Variants in FBXL17 observed in about 807,000 individuals in gnomAD.
FBXL17 encodes the protein F-box/LRR-repeat protein 17.
FBXL17 carries 22 observed loss-of-function variants against 66.2 expected under a neutral mutation model. The ratio of observed to expected loss-of-function variants is 0.33; its 90% CI spans 0.24 to 0.47. The LOEUF (loss-of-function observed/expected upper bound fraction) is 0.47. Ranked by LOEUF, FBXL17 falls within the 20% of genes least tolerant of loss-of-function variation. The pLI is 1.00. For missense variants in FBXL17, 878 were observed against 948.2 expected (o/e 0.93, Z 0.97); for synonymous variants, 474 against 400.5 (o/e 1.18, Z -2.19).
At chr5:108,047,696 C>T (rs537366885) in intron 6 of FBXL17, among the ~76,000 whole-genome samples, 2 of 152,314 alleles carry the variant, frequency 1.3e-5, no homozygotes, top group Non-Finnish European at 1.5e-5. Context: ...AGCACCTCTT[C>T]AGGCCTCATT....
intron 4 of FBXL17, among the ~76,000 whole-genome samples, chr5:108,291,822 C>T (rs1758123738): frequency 6.6e-6 from 1 of 152,158 alleles, no homozygotes; most frequent in Non-Finnish European, 1.5e-5. Flanking sequence ...AGCAGTCAGT[C>T]TTGAGTACTG....
Position 108,381,859 on chromosome 5 carries a change from C to G in FBXL17, c.-168G>C. ...ACACGCGACGGTGGGGGGTGGGCGT[C>G]AGCTGCGGGCCGCCGGAGTGCCCGA... On this transcript the variant is annotated 5_prime_UTR_variant, in exon 1 of 9. Coordinates refer to ENST00000542267, the MANE Select transcript of FBXL17 (RefSeq NM_001163315.3). 6 of 1,293,034 alleles carry G rather than the reference C, an allele frequency of 4.6e-6. No homozygotes were observed. Among genetic ancestry groups the G allele is most frequent in the Non-Finnish European group, 4.9e-6 (5 of 1,020,678 alleles). The allele number at this position is 1,293,034 out of a possible 1,614,324, so 80.1% of individuals were successfully genotyped here. A position where few individuals can be genotyped will look rare whatever the true frequency, so the allele number is the denominator to read the frequency against.
chr5:108,345,318 C>T (rs1747200323), intron 4 of FBXL17, among the ~76,000 whole-genome samples: 1 of 149,662 alleles, frequency 6.7e-6, no homozygotes, highest in Non-Finnish European at 1.5e-5. Flanking sequence ...GCCTGGGTTA[C>T]AGAGCAAAAC....
At chr5:108,037,761 A>G (rs947753740) in intron 6 of FBXL17, among the ~76,000 whole-genome samples, 2 of 152,216 alleles carry the variant, frequency 1.3e-5, no homozygotes, top group Non-Finnish European at 2.9e-5. Flanking sequence ...TGCTGTATGT[A>G]AAGAGTTTAG....
intron 4 of FBXL17, among the ~76,000 whole-genome samples, chr5:108,229,602 A>G (rs1755240662): frequency 6.6e-6 from 1 of 152,240 alleles, no homozygotes; most frequent in African/African-American, 2.4e-5. Flanking sequence ...AAGACCTGAA[A>G]CTATAAAAAT....
intron 7 of FBXL17, among the ~76,000 whole-genome samples, chr5:107,908,917 T>G (rs377482531): frequency 6.6e-6 from 1 of 152,178 alleles, no homozygotes; most frequent in Non-Finnish European, 1.5e-5. Flanking sequence ...GACAGTGAAC[T>G]CCTTCTGAAA....
intron 6 of FBXL17, among the ~76,000 whole-genome samples, chr5:108,118,344 T>A (rs575445579): frequency 6.6e-6 from 1 of 152,192 alleles, no homozygotes; most frequent in East Asian, 1.9e-4. Context: ...TTCTTTTCCA[T>A]CCAAAAGTTG....
At chr5:107,893,646 T>C (rs1381528545) in intron 7 of FBXL17, among the ~76,000 whole-genome samples, 1 of 152,176 alleles carries the variant, frequency 6.6e-6, no homozygotes, top group Non-Finnish European at 1.5e-5. Flanking sequence ...TGTCTTCTTT[T>C]ATTTTTTTAT....
rs377501871 is a variant in FBXL17, at chr5:107,920,557, C to G, written c.1823-39378G>C. On this transcript the variant is annotated intron_variant, in intron 7 of 8. Transcript: ENST00000542267. ...ATCAGAAGGGATTGCAACAACCTAA[C>G]TCAATATGAATCTGAGAATATTTCT... is the stretch of plus-strand genomic sequence containing the variant. 3.0e-4 allele frequency among the ~76,000 whole-genome samples: 46 copies of G among 152,272 alleles called. 1 individual carries two copies. The South Asian group carries it at 9.3e-3, about 31-fold the overall frequency.
At chr5:108,353,933 C>A (rs983281874) in intron 3 of FBXL17, among the ~76,000 whole-genome samples, 14 of 152,160 alleles carry the variant, frequency 9.2e-5, no homozygotes, top group African/African-American at 3.1e-4. Context: ...TATCCCTTAT[C>A]CAAAATGTTT....
chr5:108,081,104 C>G lies in FBXL17; in HGVS notation c.1746-60103G>C, dbSNP rs984395158. 3.9e-5 allele frequency among the ~76,000 whole-genome samples: 6 copies of G among 152,188 alleles called. No individual in the cohort carries two copies. The South Asian group carries it at 1.2e-3, about 32-fold the overall frequency. On this transcript the variant is annotated intron_variant, in intron 6 of 8. Transcript: ENST00000542267. The stretch of plus-strand genomic sequence containing the variant: ...TCTGTCATGTCAAACTGACTCTACA[C>G]TAGAGTCAGTTTGGAATTTGGTATC...
chr5:108,058,215 CT>C lies in FBXL17; in HGVS notation c.1746-37215del, dbSNP rs140007684. Among the ~76,000 whole-genome samples the C allele has an allele frequency of 4.8e-3, 734 of 152,296 alleles. 4 individuals carry two copies. The highest frequency in any genetic ancestry group is 0.017 in the African/African-American group (711 of 41,566). ...CCATTTGACCATCTCTGTTTTACAA[CT>C]GCAGAAACAGAGGTTCGGTTTGATA... On this transcript the variant is annotated intron_variant, in intron 6 of 8. Coordinates refer to ENST00000542267, the MANE Select transcript of FBXL17 (RefSeq NM_001163315.3).
intron 6 of FBXL17, among the ~76,000 whole-genome samples, chr5:108,098,066 A>G (rs1407776263): frequency 2.6e-5 from 4 of 152,184 alleles, no homozygotes; most frequent in African/African-American, 9.6e-5. Flanking sequence ...TAAATGAATA[A>G]TGAATGAGCA....
intron 5 of FBXL17, among the ~76,000 whole-genome samples, chr5:108,208,164 G>A (rs551572081): frequency 1.3e-5 from 2 of 152,224 alleles, no homozygotes; most frequent in South Asian, 2.1e-4. Flanking sequence ...TGATGGAGTT[G>A]TTCTTTTCTT....
At chr5:108,256,849 T>C (rs891469523) in intron 4 of FBXL17, among the ~76,000 whole-genome samples, 104 of 152,242 alleles carry the variant, frequency 6.8e-4, no homozygotes, top group Middle Eastern at 3.4e-3. Context: ...AAGTGTATTT[T>C]TTTTTGTTTC....
chr5:108,226,376 C>A (rs928503576), intron 4 of FBXL17, among the ~76,000 whole-genome samples: 1 of 152,050 alleles, frequency 6.6e-6, no homozygotes, highest in Non-Finnish European at 1.5e-5. Context: ...ATACCTTTTA[C>A]TTCTACTTTA....
chr5:108,203,818 A>C (rs1753998965), intron 5 of FBXL17, among the ~76,000 whole-genome samples: 1 of 152,190 alleles, frequency 6.6e-6, no homozygotes, highest in Admixed American at 6.6e-5. Context: ...GAATAAACAA[A>C]AAAAGGAGGA....
chr5:108,097,135 A>G (rs286819), intron 6 of FBXL17, among the ~76,000 whole-genome samples: 118,988 of 151,998 alleles, frequency 0.78, 46,821 homozygotes, highest in East Asian at 0.92. Flanking sequence ...GAGTTCTCAG[A>G]AGATCTGCTG....
At chr5:108,072,449 A>T (rs917757594) in intron 6 of FBXL17, among the ~76,000 whole-genome samples, 10 of 152,246 alleles carry the variant, frequency 6.6e-5, no homozygotes, top group African/African-American at 2.4e-4. Context: ...CACGCCTGTA[A>T]TCCCAGCACT....
Sources: allele counts gnomAD v4.1 joint callset (sites outside exome capture counted in the v4.1 genomes callset), GRCh38; gene constraint gnomAD v4.1.1; transcripts MANE v1.5; gene names NCBI Gene and HGNC (gene_info 2026-07-23, HGNC 2026-07-21).